The following SLCO5A1 variants were observed in gnomAD, a reference collection of about 807,000 sequenced individuals.
SLCO5A1 encodes the protein organic anion transporter polypeptide-related protein 4.
SLCO5A1 carries 39 observed loss-of-function variants against 65.1 expected under a neutral mutation model. The ratio of observed to expected loss-of-function variants is 0.60; its 90% CI spans 0.46 to 0.78. SLCO5A1 has a LOEUF of 0.78. Among genes scored for constraint, SLCO5A1 ranks in the 30% least tolerant of loss-of-function variants. The probability of loss-of-function intolerance (pLI) is 0.00; values close to 1 mark genes in which losing one functional copy is unlikely to be tolerated. For synonymous variants in SLCO5A1, 438 were observed against 415.7 expected (o/e 1.05, Z -0.65); for missense variants, 1,029 against 1,069.4 (o/e 0.96, Z 0.53).
chr8:69,738,617 T>C (rs1431522112), intron 4 of SLCO5A1, among the ~76,000 whole-genome samples: 1 of 152,228 alleles, frequency 6.6e-6, no homozygotes, highest in Non-Finnish European at 1.5e-5. Flanking sequence ...CAATTTCCAC[T>C]TCTCCCAAGT....
chr8:69,712,880 C>T (rs1376196823), intron 5 of SLCO5A1, among the ~76,000 whole-genome samples: 1 of 152,100 alleles, frequency 6.6e-6, no homozygotes, highest in Non-Finnish European at 1.5e-5. Context: ...TCATTAATTT[C>T]CATTTTCAAT....
intron 5 of SLCO5A1, among the ~76,000 whole-genome samples, chr8:69,711,400 G>A (rs1036685089): frequency 6.6e-6 from 1 of 152,148 alleles, no homozygotes; most frequent in Non-Finnish European, 1.5e-5. Context: ...TCCTGCTCCA[G>A]CGCCCTCTAA....
chr8:69,815,690 A>ACACACACACACACAC (rs1563371420), intron 2 of SLCO5A1, among the ~76,000 whole-genome samples: 1 of 150,782 alleles, frequency 6.6e-6, no homozygotes, highest in South Asian at 2.1e-4. Flanking sequence ...ACACACACAC[A>ACACACACACACACAC]AAATTACATC....
chr8:69,680,144 C>A (rs1813705380), intron 7 of SLCO5A1, among the ~76,000 whole-genome samples: 1 of 152,116 alleles, frequency 6.6e-6, no homozygotes, highest in Non-Finnish European at 1.5e-5. Context: ...TCTTTTTCAA[C>A]TTTTATTTTA....
At chr8:69,724,653 G>A (rs889218368) in intron 5 of SLCO5A1, among the ~76,000 whole-genome samples, 1 of 152,122 alleles carries the variant, frequency 6.6e-6, no homozygotes, top group African/African-American at 2.4e-5. Flanking sequence ...TTCTAATAAT[G>A]TCTAAGCACG....
intron 5 of SLCO5A1, among the ~76,000 whole-genome samples, chr8:69,707,017 G>A (rs140054872): frequency 2.8e-4 from 43 of 152,062 alleles, no homozygotes; most frequent in South Asian, 8.3e-4. Context: ...GGGTGGTGGC[G>A]TGCGCCTGTA....
chr8:69,829,435 C>A (rs1167322631), intron 2 of SLCO5A1, among the ~76,000 whole-genome samples: 1 of 152,134 alleles, frequency 6.6e-6, no homozygotes, highest in African/African-American at 2.4e-5. Flanking sequence ...GGCTAACAGC[C>A]AAATGCAATG....
At chr8:69,687,126 C>A (rs912697544) in intron 6 of SLCO5A1, among the ~76,000 whole-genome samples, 2 of 152,164 alleles carry the variant, frequency 1.3e-5, no homozygotes, top group Admixed American at 1.3e-4. Context: ...GCTACCATGA[C>A]ATTTTTCCTT....
chr8:69,670,742 A>G lies in SLCO5A1; in HGVS notation c.*2127T>C, dbSNP rs1178573793. 1 of 152,218 alleles carries G rather than the reference A, an allele frequency of 6.6e-6. No homozygotes were observed. The highest frequency in any genetic ancestry group is 1.5e-5 in the Non-Finnish European group (1 of 68,052). 9.4% of individuals were successfully genotyped at this position (152,218 alleles called of 1,614,324 possible). On this transcript the variant is annotated 3_prime_UTR_variant, in exon 10 of 10. Transcript: ENST00000260126. ...TAACTACTCCGTGCTGAGTCCAGCAATCTTAGCTACCAGAAAAAGTGCCAA... is the reference window on the plus strand; with the variant it reads ...TAACTACTCCGTGCTGAGTCCAGCAGTCTTAGCTACCAGAAAAAGTGCCAA...
intron 3 of SLCO5A1, among the ~76,000 whole-genome samples, chr8:69,760,748 T>A (rs34445738): frequency 0.32 from 49,201 of 152,060 alleles, 9,108 homozygotes; most frequent in Middle Eastern, 0.44. Flanking sequence ...ATGTTCAAGT[T>A]GAGGACTGCA....
rs1370933542 is a variant in SLCO5A1 at position 69,825,526 on chromosome 8, A to G, written c.907+6241T>C. Among the ~76,000 whole-genome samples, 8 of 152,326 alleles carry G rather than the reference A, an allele frequency of 5.3e-5. No homozygotes were observed. The East Asian group carries it at 1.3e-3, about 26-fold the overall frequency. On this transcript the variant is annotated intron_variant, in intron 2 of 9. Transcript: ENST00000260126. ...CCAAATCATGAGTGAACTCCCATAC[A>G]CAATTGCTTCAAAGAGAATAAAATA...
At chr8:69,702,699 T>C (rs1814797618) in intron 6 of SLCO5A1, among the ~76,000 whole-genome samples, 1 of 152,140 alleles carries the variant, frequency 6.6e-6, no homozygotes, top group Non-Finnish European at 1.5e-5. Context: ...TTTTAGAACA[T>C]AAAACTCCAC....
chr8:69,738,233 T>C, intron 4 of SLCO5A1, 29 bp from the exon 5 acceptor site: 1 of 1,562,440 alleles, frequency 6.4e-7, no homozygotes, highest in Non-Finnish European at 8.7e-7. Context: ...GACAAATGAA[T>C]GTTATAAACA....
chr8:69,731,174 A>AT (rs1162588804), intron 5 of SLCO5A1, among the ~76,000 whole-genome samples: 1 of 151,982 alleles, frequency 6.6e-6, no homozygotes, highest in African/African-American at 2.4e-5. Flanking sequence ...TAATTTTTGT[A>AT]TTTTTTGTAG....
At chr8:69,783,795 T>C (rs1818903324) in intron 2 of SLCO5A1, among the ~76,000 whole-genome samples, 1 of 152,152 alleles carries the variant, frequency 6.6e-6, no homozygotes, top group South Asian at 2.1e-4. Flanking sequence ...GTGTGTGACC[T>C]ATACGGAGAA....
At chr8:69,716,154 A>G (rs2380578) in intron 5 of SLCO5A1, among the ~76,000 whole-genome samples, 1 of 152,166 alleles carries the variant, frequency 6.6e-6, no homozygotes, top group South Asian at 2.1e-4. Flanking sequence ...TGAGTTCTTC[A>G]TTCCTATTTA....
intron 2 of SLCO5A1, among the ~76,000 whole-genome samples, chr8:69,784,863 G>GAAAGAAAGAAA (rs71275014): frequency 1.7e-4 from 15 of 87,878 alleles, no homozygotes; most frequent in African/African-American, 7.2e-4. Flanking sequence ...AAGAAAGAAA[G>GAAAGAAAGAAA]GGAAGGAAGG....
At position 69,673,244 on chromosome 8, in the gene SLCO5A1, A is replaced by G. The variant is rs1437696279; in HGVS notation, c.2172T>C (p.Gly724=). 9.9e-6 allele frequency: 16 copies of G among 1,614,040 alleles called. No individual in the cohort carries two copies. Among genetic ancestry groups the G allele is most frequent in the Non-Finnish European group, 1.3e-5 (15 of 1,180,034 alleles). The change falls in exon 10 of 10, where the codon GGT becomes GGC. Residue 724 remains glycine (G), a synonymous_variant. Coordinates refer to ENST00000260126, the MANE Select transcript of SLCO5A1 (RefSeq NM_030958.3). The part of the protein sequence containing the change: ...MLWQQECGVQ[G]SCWEYNVTSF... ...ACGTCACGTTGTACTCCCAGCAAGA[A>G]CCCTGCACACCACATTCCTGTTGCC...
At chr8:69,706,808 AT>A (rs2130811836) in intron 5 of SLCO5A1, among the ~76,000 whole-genome samples, 1 of 152,338 alleles carries the variant, frequency 6.6e-6, no homozygotes, top group African/African-American at 2.4e-5. Context: ...TTATCTTTAA[AT>A]TATGTTTAAT....
Sources: allele counts gnomAD v4.1 joint callset (sites outside exome capture counted in the v4.1 genomes callset), GRCh38; gene constraint gnomAD v4.1.1; transcripts MANE v1.5; gene names NCBI Gene and HGNC (gene_info 2026-07-23, HGNC 2026-07-21).